PTPRU: variants seen among roughly 807,000 people sequenced by gnomAD.
The protein encoded by PTPRU is receptor-type tyrosine-protein phosphatase U.
In PTPRU, 69 loss-of-function variants were observed where a neutral mutation model predicts 166.3. The ratio of observed to expected loss-of-function variants is 0.41; its 90% CI spans 0.34 to 0.51. The LOEUF is 0.51. Ranked by LOEUF, PTPRU falls within the 20% of genes least tolerant of loss-of-function variation. The pLI, the probability that PTPRU is intolerant of heterozygous loss-of-function variation, is 0.09. For synonymous variants in PTPRU, 793 were observed against 814.0 expected (o/e 0.97, Z 0.44); for missense variants, 1,657 against 2,013.7 (o/e 0.82, Z 3.39).
At chr1:29,324,497 G>A (rs1024447839) in intron 28 of PTPRU, among the ~76,000 whole-genome samples, 2 of 152,170 alleles carry the variant, frequency 1.3e-5, no homozygotes, top group African/African-American at 2.4e-5. Context: ...GGAGGCTGTG[G>A]GTTTGACTTG....
At chr1:29,275,909 T>C (rs1204372797) in intron 8 of PTPRU, among the ~76,000 whole-genome samples, 153 bp downstream of exon 8, 1 of 152,248 alleles carries the variant, frequency 6.6e-6, no homozygotes, top group Non-Finnish European at 1.5e-5. Flanking sequence ...TCCTATTTTT[T>C]CTCTGGAAGA....
chr1:29,285,233 C>T (rs1236502642), intron 14 of PTPRU, among the ~76,000 whole-genome samples: 3 of 152,182 alleles, frequency 2.0e-5, no homozygotes, highest in African/African-American at 7.2e-5. Context: ...GACCTTCAGC[C>T]AAGGTGTCTG....
intron 15 of PTPRU, among the ~76,000 whole-genome samples, chr1:29,303,038 G>C (rs995716054): frequency 6.6e-6 from 1 of 152,172 alleles, no homozygotes; most frequent in Non-Finnish European, 1.5e-5. Flanking sequence ...TACACTCTGT[G>C]GTGTTCGCAC....
At chr1:29,288,045 C>T (rs1372412358) in intron 14 of PTPRU, among the ~76,000 whole-genome samples, 2 of 152,142 alleles carry the variant, frequency 1.3e-5, no homozygotes, top group African/African-American at 4.8e-5. Flanking sequence ...AAACTCCCGA[C>T]CTCAGGTGAT....
chr1:29,269,595 C>T (rs937182186), intron 7 of PTPRU, among the ~76,000 whole-genome samples: 20 of 152,176 alleles, frequency 1.3e-4, no homozygotes, highest in Admixed American at 9.8e-4. Flanking sequence ...ACATCATGGC[C>T]CCTCCCTGCT....
At chr1:29,321,476 AGGGCCACATGGCTGGGGAGG>A (rs1688158068) in intron 26 of PTPRU, among the ~76,000 whole-genome samples, 1 of 152,166 alleles carries the variant, frequency 6.6e-6, no homozygotes, top group Non-Finnish European at 1.5e-5. Context: ...TGCCTTCTCC[AGGGCCACATGGCTGGGGAGG>A]GGCAGAGCTG....
chr1:29,323,341 C>A, intron 26 of PTPRU, 30 bp from the exon 27 acceptor site: 2 of 1,598,384 alleles, frequency 1.3e-6, no homozygotes, highest in Non-Finnish European at 1.7e-6. Context: ...AGGCTCTACT[C>A]AGCTCTCCCC....
chr1:29,284,607 C>T, intron 13 of PTPRU, 124 bp from the exon 14 acceptor site: 1 of 1,347,208 alleles, frequency 7.4e-7, no homozygotes, highest in East Asian at 2.3e-5. Flanking sequence ...AAAGGCAGGA[C>T]ACACATTGAG....
chr1:29,264,022 C>G (rs749149394), intron 7 of PTPRU, among the ~76,000 whole-genome samples: 6 of 151,942 alleles, frequency 3.9e-5, no homozygotes, highest in Admixed American at 1.3e-4. Context: ...ACCAAAAATA[C>G]AAAAATTAGC....
intron 15 of PTPRU, among the ~76,000 whole-genome samples, chr1:29,302,521 G>A (rs1687183538): frequency 6.6e-6 from 1 of 152,096 alleles, no homozygotes; most frequent in Non-Finnish European, 1.5e-5. Flanking sequence ...CATGGTAAAT[G>A]CCTTATACAG....
At chr1:29,258,016 G>A (rs1271546784) in intron 2 of PTPRU, among the ~76,000 whole-genome samples, 3 of 152,026 alleles carry the variant, frequency 2.0e-5, no homozygotes. Flanking sequence ...CCAGGCTGGA[G>A]TGCAGTGGCG....
intron 2 of PTPRU, among the ~76,000 whole-genome samples, chr1:29,258,251 C>T (rs1558553801): frequency 6.6e-6 from 1 of 152,230 alleles, no homozygotes; most frequent in East Asian, 1.9e-4. Context: ...AGGCGTGAGC[C>T]ACCGCGCCCA....
intron 1 of PTPRU, among the ~76,000 whole-genome samples, chr1:29,251,485 G>T (rs111298428): frequency 3.7e-4 from 57 of 152,330 alleles, no homozygotes; most frequent in African/African-American, 1.3e-3. Context: ...TTTCAACAGG[G>T]ACAGTCAGCT....
chr1:29,248,016 C>T (rs1048324012), intron 1 of PTPRU, among the ~76,000 whole-genome samples: 5 of 152,130 alleles, frequency 3.3e-5, no homozygotes, highest in South Asian at 2.1e-4. Flanking sequence ...CAGGGCTCTT[C>T]GGGCAGCTCT....
chr1:29,238,197 T>A lies in PTPRU; in HGVS notation c.73+1480T>A, dbSNP rs1296661230. On this transcript the variant is annotated intron_variant, in intron 1 of 29. Transcript: ENST00000373779. The surrounding 1 kb of genome is among the most constrained non-coding windows in gnomAD (Gnocchi z 6.1). The stretch of plus-strand genomic sequence containing the variant: ...GCGTGTGTGTGTGCGCGCAGCTGAA[T>A]GTATGTATACGGAGCCTGTGTTTGT... Among the ~76,000 whole-genome samples the A allele has an allele frequency of 6.6e-6, 1 of 151,540 alleles. No individual in the cohort carries two copies. The highest frequency in any genetic ancestry group is 1.5e-5 in the Non-Finnish European group (1 of 67,832).
At chr1:29,286,301 A>C (rs1557450608) in intron 14 of PTPRU, among the ~76,000 whole-genome samples, 1 of 152,358 alleles carries the variant, frequency 6.6e-6, no homozygotes, top group East Asian at 1.9e-4. Context: ...GGAGCTTCAC[A>C]CACATCATCC....
At chr1:29,248,744 C>T (rs892634315) in intron 1 of PTPRU, among the ~76,000 whole-genome samples, 10 of 152,132 alleles carry the variant, frequency 6.6e-5, no homozygotes, top group African/African-American at 2.2e-4. Flanking sequence ...ATGCACAACT[C>T]CCATCTACCT....
chr1:29,278,630 C>G (rs898424034), intron 8 of PTPRU, among the ~76,000 whole-genome samples: 7 of 152,222 alleles, frequency 4.6e-5, no homozygotes, highest in African/African-American at 1.7e-4. Flanking sequence ...AATGCAATTG[C>G]TGTTTTCATT....
In PTPRU at chr1:29,240,388, G is replaced by A. The variant is rs570427308; in HGVS notation, c.73+3671G>A. ...TGCCAGGTACAAGGCCTGGCCCACC[G>A]GGTCTGAATAAATATATATGGCCTG... On this transcript the variant is annotated intron_variant, in intron 1 of 29. Transcript: ENST00000373779. 9.2e-5 allele frequency among the ~76,000 whole-genome samples: 14 copies of A among 152,238 alleles called. No homozygotes were observed. The South Asian group carries it at 2.7e-3, about 29-fold the overall frequency.
Sources: gnomAD v4.1 joint callset for allele counts (sites outside exome capture counted in the v4.1 genomes callset) on GRCh38, gnomAD v4.1.1 for gene constraint, Gnocchi (gnomAD v3.1) non-coding constraint, MANE v1.5 for transcripts, NCBI Gene and HGNC (gene_info 2026-07-23, HGNC 2026-07-21) for gene names.